Variants in CYB5D2 observed in about 807,000 individuals in gnomAD.
CYB5D2 encodes cytochrome b5 domain containing 2, also known as neuferricin.
CYB5D2 carries 23 observed loss-of-function variants against 22.8 expected under a neutral mutation model. That is an observed-to-expected ratio of 1.01 (90% CI 0.73 to 1.43). The LOEUF is 1.43. Among genes scored for constraint, CYB5D2 ranks in the 40% most tolerant of loss-of-function variants. The pLI, the probability that CYB5D2 is intolerant of heterozygous loss-of-function variation, is 0.00. For missense variants in CYB5D2, 373 were observed against 357.2 expected, an observed-to-expected ratio of 1.04 and a Z score of -0.36; for synonymous variants, 170 against 152.2, an observed-to-expected ratio of 1.12 and a Z score of -0.86.
Position 4,143,532 on chromosome 17 carries a change from A to C in CYB5D2, c.-224A>C. On this transcript the variant is annotated 5_prime_UTR_variant, in exon 1 of 4. Transcript: ENST00000301391. Reference sequence around the variant, plus strand: ...CAAGAGCTAAAACTCTGTCTCAGAAAAAAAAAAAAAAAGTACCTGGAAAAA... The same window carrying C: ...CAAGAGCTAAAACTCTGTCTCAGAACAAAAAAAAAAAAGTACCTGGAAAAA... The C allele has an allele frequency of 2.5e-6, 1 of 400,144 alleles. No homozygotes were observed. Among genetic ancestry groups the C allele is most frequent in the Non-Finnish European group, 4.2e-6 (1 of 236,898 alleles). The allele number at this position is 400,144 out of a possible 1,614,324, so 24.8% of individuals were successfully genotyped here. A position where few individuals can be genotyped will look rare whatever the true frequency, so the allele number is the denominator to read the frequency against.
intron 1 of CYB5D2, among the ~76,000 whole-genome samples, chr17:4,149,284 A>T (rs2059027360): frequency 6.6e-6 from 1 of 152,180 alleles, no homozygotes; most frequent in Non-Finnish European, 1.5e-5. Context: ...GTGGACAGTA[A>T]TTGACCCCTA....
rs994143688 is a variant in CYB5D2 at position 4,143,489 on chromosome 17, G to C, written c.-267G>C. On this transcript the variant is annotated 5_prime_UTR_variant, in exon 1 of 4. Coordinates refer to ENST00000301391, the MANE Select transcript of CYB5D2 (RefSeq NM_144611.4). Reference sequence around the variant, plus strand: ...TGCAGTGAGCCGAGATTCCGCCAGTGCACTCCAGCCTGGACAACAAGAGCT... The same window carrying C: ...TGCAGTGAGCCGAGATTCCGCCAGTCCACTCCAGCCTGGACAACAAGAGCT... The C allele has an allele frequency of 1.7e-5, 5 of 302,864 alleles. No homozygotes were observed. The highest frequency in any genetic ancestry group is 1.1e-4 in the African/African-American group (5 of 45,190). The allele number at this position is 302,864 out of a possible 1,614,324, so 18.8% of individuals were successfully genotyped here.
At position 4,149,282 on chromosome 17, in the gene CYB5D2, T is replaced by C. The variant is rs111848427; in HGVS notation, c.251-609T>C. On this transcript the variant is annotated intron_variant, in intron 1 of 3. Transcript: ENST00000301391. ...TTGTCAAGTGTGAGGGTGTGGACAG[T>C]AATTGACCCCTAAGGCTGGTAGACA... is the stretch of plus-strand genomic sequence containing the variant. Among the ~76,000 whole-genome samples, 516 of 152,264 alleles carry C rather than the reference T, an allele frequency of 3.4e-3. 3 individuals are homozygous for C. The highest frequency in any genetic ancestry group is 0.012 in the African/African-American group (496 of 41,550).
At chr17:4,149,304 G>C (rs778208187) in intron 1 of CYB5D2, among the ~76,000 whole-genome samples, 1 of 152,214 alleles carries the variant, frequency 6.6e-6, no homozygotes, top group South Asian at 2.1e-4. Flanking sequence ...AAGGCTGGTA[G>C]ACAGTGAGGA....
chr17:4,154,817 T>A lies in CYB5D2; in HGVS notation c.535T>A (p.Trp179Arg), dbSNP rs142095753. The change falls in exon 3 of 4, where the codon TGG becomes AGG. Residue 179 changes from tryptophan (W) to arginine (R), a missense_variant. By Grantham distance (101) the Trp-to-Arg change is moderately radical. Transcript: ENST00000301391. Reference protein sequence around the residue: ...KQTFPPCNAEWSSARGSRLWC... With the variant: ...KQTFPPCNAERSSARGSRLWC... ...GACATTCCCGCCGTGCAACGCGGAGTGGAGCTCAGCCAGGGGCAGCCGGCT... is the reference window on the plus strand; with the variant it reads ...GACATTCCCGCCGTGCAACGCGGAGAGGAGCTCAGCCAGGGGCAGCCGGCT... The A allele has an allele frequency of 1.2e-6, 2 of 1,614,000 alleles. No homozygotes were observed. Among genetic ancestry groups the A allele is most frequent in the Non-Finnish European group, 1.7e-6 (2 of 1,180,022 alleles).
At position 4,143,884 on chromosome 17, in the gene CYB5D2, G is replaced by A; in HGVS notation, c.129G>A (p.Leu43=). The A allele has an allele frequency of 6.2e-7, 1 of 1,614,046 alleles. No homozygotes were observed. Among genetic ancestry groups the A allele is most frequent in the Non-Finnish European group, 8.5e-7 (1 of 1,180,028 alleles). Residue 43 remains leucine (L), a synonymous_variant, in exon 1 of 4, where the codon CTG becomes CTA. Transcript: ENST00000301391. ...AGFRLFIPEE[L]SRYRGGPGDP... ...TTCGCCTTTTCATACCGGAGGAGCT[G>A]TCTCGCTACCGCGGCGGCCCAGGGG... is the stretch of plus-strand genomic sequence containing the variant.
Position 4,143,792 on chromosome 17 carries a change from C to G in CYB5D2, c.37C>G (p.Leu13Val). 2 of 1,614,058 alleles carry G rather than the reference C, an allele frequency of 1.2e-6. No homozygotes were observed. Among genetic ancestry groups the G allele is most frequent in the Non-Finnish European group, 1.7e-6 (2 of 1,179,992 alleles). Residue 13 changes from leucine (L) to valine (V), a missense_variant, in exon 1 of 4, where the codon CTG (leucine) becomes GTG (valine). Leu to Val is a conservative substitution (Grantham distance 32). Transcript: ENST00000301391. Reference protein sequence around the residue: ...RCGGRGLLLGLAVAAAAVMAA... With the variant: ...RCGGRGLLLGVAVAAAAVMAA... ...CGGAGGCCGTGGGCTTTTGTTGGGCCTGGCTGTAGCCGCAGCAGCGGTAAT... is the reference window on the plus strand; with the variant it reads ...CGGAGGCCGTGGGCTTTTGTTGGGCGTGGCTGTAGCCGCAGCAGCGGTAAT...
chr17:4,153,368 A>C (rs1330029542), intron 2 of CYB5D2, among the ~76,000 whole-genome samples: 1 of 151,752 alleles, frequency 6.6e-6, no homozygotes, highest in Non-Finnish European at 1.5e-5. Flanking sequence ...AGACACAGAA[A>C]GGAAGCCAGT....
At chr17:4,147,188 T>A (rs1371402849) in intron 1 of CYB5D2, among the ~76,000 whole-genome samples, 2 of 152,180 alleles carry the variant, frequency 1.3e-5, no homozygotes, top group Non-Finnish European at 2.9e-5. Context: ...GAAGAATCCC[T>A]TGAACCGAGG....
chr17:4,144,700 T>C (rs2142992500), intron 1 of CYB5D2, among the ~76,000 whole-genome samples: 1 of 152,320 alleles, frequency 6.6e-6, no homozygotes, highest in African/African-American at 2.4e-5. Flanking sequence ...CTGGTGTCCC[T>C]GTGTTACAGC....
rs144363212 is a variant in CYB5D2 at position 4,154,877 on chromosome 17, T to C, written c.578+17T>C. ...CCAGAAGAGGTAAGCAGGCTCCCCTTCTTCTCCTTTCTGCCTGTCCCAAAT... is the reference window on the plus strand; with the variant it reads ...CCAGAAGAGGTAAGCAGGCTCCCCTCCTTCTCCTTTCTGCCTGTCCCAAAT... On this transcript the variant is annotated intron_variant, in intron 3 of 3. Transcript: ENST00000301391. 1.8e-6 allele frequency: 2 copies of C among 1,100,250 alleles called. No individual in the cohort carries two copies. Among genetic ancestry groups the C allele is most frequent in the Non-Finnish European group, 2.5e-6 (2 of 796,210 alleles). The allele number at this position is 1,100,250 out of a possible 1,614,324, so 68.2% of individuals were successfully genotyped here.
chr17:4,145,898 A>G (rs1020709839), intron 1 of CYB5D2, among the ~76,000 whole-genome samples: 10 of 152,134 alleles, frequency 6.6e-5, no homozygotes, highest in Non-Finnish European at 1.5e-4. Context: ...TCCCAAGCTC[A>G]AGCAATCCTT....
chr17:4,154,909 C>T (rs1384087002), intron 3 of CYB5D2, 49 bp downstream of exon 3: 3 of 1,553,124 alleles, frequency 1.9e-6, no homozygotes, highest in Non-Finnish European at 2.6e-6. Flanking sequence ...AAATCCAACT[C>T]CTAGGCCATC....
At chr17:4,144,160 A>G (rs543321904) in intron 1 of CYB5D2, among the ~76,000 whole-genome samples, 155 bp downstream of exon 1, 2 of 152,100 alleles carry the variant, frequency 1.3e-5, no homozygotes, top group African/African-American at 2.4e-5. Flanking sequence ...TGCATGCACT[A>G]TCCTTCTAGG....
At chr17:4,149,546 T>A (rs892989821) in intron 1 of CYB5D2, among the ~76,000 whole-genome samples, 1 of 152,058 alleles carries the variant, frequency 6.6e-6, no homozygotes, top group African/African-American at 2.4e-5. Flanking sequence ...GGCTCACACC[T>A]ATAATCCCAG....
At chr17:4,150,535 G>A (rs1216019060) in intron 2 of CYB5D2, among the ~76,000 whole-genome samples, 1 of 150,606 alleles carries the variant, frequency 6.6e-6, no homozygotes, top group African/African-American at 2.4e-5. Context: ...GCTACATAAG[G>A]GACTTGCTTC....
At chr17:4,152,841 G>A (rs936470607) in intron 2 of CYB5D2, among the ~76,000 whole-genome samples, 3 of 152,150 alleles carry the variant, frequency 2.0e-5, no homozygotes, top group South Asian at 2.1e-4. Flanking sequence ...GCAGTGGCAC[G>A]ACTGCAGCTC....
rs1567892621 is a variant in CYB5D2, at chr17:4,156,945, G to T, written c.658G>T (p.Val220Leu). 6.2e-7 allele frequency: 1 copy of T among 1,612,866 alleles called. No individual in the cohort carries two copies. The change falls in exon 4 of 4, where the codon GTG becomes TTG. Residue 220 changes from valine (V) to leucine (L), a missense_variant. By Grantham distance (32) the Val-to-Leu change is conservative. Transcript: ENST00000301391. ...PGAKEPRCVC[V>L]RTTGPPSGQM... is the part of the protein sequence containing the mutation. ...TGCTAAGGAGCCCCGCTGCGTGTGT[G>T]TGAGAACCACCGGCCCCCCTAGTGG...
rs1280042092 is a variant in CYB5D2, at chr17:4,157,457, T to G, written c.*375T>G. ...AATACAGTACGAGGCAATAACAAATTAGTGTGGGTTGATTCTGGAATTGGA... is the reference window on the plus strand; with the variant it reads ...AATACAGTACGAGGCAATAACAAATGAGTGTGGGTTGATTCTGGAATTGGA... On this transcript the variant is annotated 3_prime_UTR_variant, in exon 4 of 4. Coordinates refer to ENST00000301391, the MANE Select transcript of CYB5D2 (RefSeq NM_144611.4). The surrounding 1 kb of genome is among the most constrained non-coding windows in gnomAD (Gnocchi z 4.4). 3 of 246,006 alleles carry G rather than the reference T, an allele frequency of 1.2e-5. No individual in the cohort carries two copies. The highest frequency in any genetic ancestry group is 6.8e-5 in the African/African-American group (3 of 44,222). 15.2% of individuals were successfully genotyped at this position (246,006 alleles called of 1,614,324 possible).
Sources: gnomAD v4.1 joint callset for allele counts (sites outside exome capture counted in the v4.1 genomes callset) on GRCh38, gnomAD v4.1.1 for gene constraint, Gnocchi (gnomAD v3.1) non-coding constraint, MANE v1.5 for transcripts, NCBI Gene and HGNC (gene_info 2026-07-23, HGNC 2026-07-21) for gene names.